DPP6: variants seen among roughly 807,000 people sequenced by gnomAD.
DPP6 encodes the protein dipeptidyl peptidase like 6, also known as A-type potassium channel modulatory protein DPP6.
Under a neutral mutation model 122.6 loss-of-function variants are expected in DPP6, and 69 were observed. The observed-to-expected ratio is 0.56, with a 90% CI of 0.46 to 0.69. The LOEUF is 0.69. DPP6 is among the 30% of genes least tolerant of loss of function. The pLI is 0.00. For missense variants in DPP6, 928 were observed against 1,116.9 expected (o/e 0.83, Z 2.41); for synonymous variants, 418 against 433.1 (o/e 0.97, Z 0.43).
chr7:154,527,181 A>G lies in DPP6; in HGVS notation c.458-13351A>G, dbSNP rs979415594. Among the ~76,000 whole-genome samples, 14 of 152,238 alleles carry G rather than the reference A, an allele frequency of 9.2e-5. 1 individual carries two copies. The highest frequency in any genetic ancestry group is 1.5e-5 in the Non-Finnish European group (1 of 68,046). ...TCATTTTAAGTTCAAGAACTTATGC[A>G]TAGTCGATGAGCTTCAATCTTTTGC... On this transcript the variant is annotated intron_variant, in intron 3 of 25. Transcript: ENST00000377770.
chr7:154,842,633 G>A (rs901084702), intron 16 of DPP6, among the ~76,000 whole-genome samples: 24 of 152,020 alleles, frequency 1.6e-4, no homozygotes, highest in African/African-American at 5.6e-4. Flanking sequence ...GGGCAAAAAC[G>A]ACCTTATATG....
chr7:153,927,319 C>G (rs185648989), intron 1 of DPP6, among the ~76,000 whole-genome samples: 1 of 152,108 alleles, frequency 6.6e-6, no homozygotes, highest in Non-Finnish European at 1.5e-5. Flanking sequence ...TCTCTAAAAT[C>G]AATGAGTAAA....
intron 1 of DPP6, among the ~76,000 whole-genome samples, chr7:154,380,427 G>A (rs181504762): frequency 1.4e-4 from 22 of 152,298 alleles, no homozygotes; most frequent in African/African-American, 5.1e-4. Flanking sequence ...TAACATTGGC[G>A]ACATCTACAT....
upstream of DPP6, among the ~76,000 whole-genome samples, chr7:153,884,987 A>AATACACAT (rs1209555021): frequency 8.6e-6 from 1 of 116,458 alleles, no homozygotes; most frequent in Non-Finnish European, 1.7e-5. Context: ...TCAAAACAAA[A>AATACACAT]ATATATATAT....
At chr7:154,469,005 G>T (rs1376237885) in intron 2 of DPP6, among the ~76,000 whole-genome samples, 1 of 152,164 alleles carries the variant, frequency 6.6e-6, no homozygotes. Context: ...TAAAACAAAT[G>T]CTCTCTTCAT....
intron 1 of DPP6, chr7:154,094,762 C>G (rs953614708): frequency 3.9e-5 from 6 of 152,094 alleles, no homozygotes; most frequent in Non-Finnish European, 7.3e-5. Flanking sequence ...TGAGCATTAG[C>G]CGTGTGCAGC....
At chr7:154,067,546 A>C (rs1802818766) in intron 1 of DPP6, among the ~76,000 whole-genome samples, 1 of 152,158 alleles carries the variant, frequency 6.6e-6, no homozygotes, top group African/African-American at 2.4e-5. Context: ...AAAGCCATTC[A>C]GAATGACCCT....
At chr7:154,036,632 T>C (rs972964046) in intron 1 of DPP6, among the ~76,000 whole-genome samples, 1 of 151,766 alleles carries the variant, frequency 6.6e-6, no homozygotes, top group African/African-American at 2.4e-5. Context: ...TTTTGCCCTT[T>C]TTCTGGAAGT....
At chr7:154,185,996 C>T (rs886991100) in intron 1 of DPP6, among the ~76,000 whole-genome samples, 36 of 152,106 alleles carry the variant, frequency 2.4e-4, no homozygotes, top group African/African-American at 7.2e-4. Flanking sequence ...AACCATATGA[C>T]GCATGCACAA....
At chr7:154,387,931 G>A (rs1016005971) in intron 1 of DPP6, among the ~76,000 whole-genome samples, 2 of 101,448 alleles carry the variant, frequency 2.0e-5, no homozygotes, top group East Asian at 6.5e-4. Context: ...CATGAGGTCA[G>A]GAATTGCCTA....
intron 5 of DPP6, among the ~76,000 whole-genome samples, chr7:154,576,377 T>C (rs949194840): frequency 1.3e-5 from 2 of 152,256 alleles, no homozygotes. Context: ...TGTAACTCAG[T>C]GCTCCTGAGT....
chr7:154,277,082 A>C (rs1446369005), intron 1 of DPP6, among the ~76,000 whole-genome samples: 2 of 152,226 alleles, frequency 1.3e-5, no homozygotes, highest in Non-Finnish European at 2.9e-5. Context: ...ACACTTGTTT[A>C]TAGTATGAGC....
At chr7:154,431,278 A>C (rs1387883285) in intron 1 of DPP6, among the ~76,000 whole-genome samples, 1 of 152,062 alleles carries the variant, frequency 6.6e-6, no homozygotes, top group Non-Finnish European at 1.5e-5. Context: ...GGGCTGCTCC[A>C]GCAAGCCTAG....
Position 154,357,744 on chromosome 7 carries a change from C to T in DPP6, c.244-88470C>T, listed in dbSNP as rs557692175. Among the ~76,000 whole-genome samples, 49 of 152,062 alleles carry T rather than the reference C, an allele frequency of 3.2e-4. 1 individual carries two copies. In the South Asian group the frequency reaches 0.01, roughly 32 times the overall value. On this transcript the variant is annotated intron_variant, in intron 1 of 25. Transcript: ENST00000377770. ...ATCACCTGAGGTCAGGAGTTTGAGA[C>T]CAGCCTGGCCAACATGGTGAAACCC...
At chr7:153,835,434 G>A in the DPP6 span, among the ~76,000 whole-genome samples, 1 of 150,940 alleles carries the variant, frequency 6.6e-6, no homozygotes, top group East Asian at 1.9e-4. Flanking sequence ...TTCGTTTCCA[G>A]GTTACAAATT....
At chr7:153,945,551 C>G (rs1448537177) in intron 1 of DPP6, among the ~76,000 whole-genome samples, 1 of 152,108 alleles carries the variant, frequency 6.6e-6, no homozygotes, top group Non-Finnish European at 1.5e-5. Context: ...TAGAGAGCAC[C>G]TCGTATAAGA....
intron 7 of DPP6, among the ~76,000 whole-genome samples, chr7:154,704,906 C>T (rs1840740276): frequency 6.6e-6 from 1 of 152,134 alleles, no homozygotes; most frequent in Non-Finnish European, 1.5e-5. Flanking sequence ...ATATGGCTTT[C>T]TGTTTTTATC....
chr7:154,160,362 C>A (rs1005607709), intron 1 of DPP6, among the ~76,000 whole-genome samples: 2 of 152,190 alleles, frequency 1.3e-5, no homozygotes, highest in African/African-American at 4.8e-5. Flanking sequence ...TATTGTGCTG[C>A]AAAGTCACCT....
intron 3 of DPP6, among the ~76,000 whole-genome samples, chr7:154,525,651 C>T (rs944421360): frequency 3.9e-5 from 6 of 152,184 alleles, no homozygotes; most frequent in African/African-American, 1.2e-4. Flanking sequence ...AGTCAGAGAA[C>T]GTGGCTAACA....
Sources: gnomAD v4.1 joint callset for allele counts (sites outside exome capture counted in the v4.1 genomes callset) on GRCh38, gnomAD v4.1.1 for gene constraint, MANE v1.5 for transcripts, NCBI Gene and HGNC (gene_info 2026-07-23, HGNC 2026-07-21) for gene names.